The following SLC19A1 variants were observed in gnomAD, a reference collection of about 807,000 sequenced individuals.
The protein encoded by SLC19A1 is solute carrier family 19 member 1.
A neutral mutation model predicts 35.3 loss-of-function variants in SLC19A1; 37 were observed. The ratio of observed to expected loss-of-function variants is 1.05; its 90% CI spans 0.81 to 1.38. The LOEUF is 1.38. Ranked by LOEUF, SLC19A1 falls within the 40% of genes most tolerant of loss-of-function variation. The pLI, the probability that SLC19A1 is intolerant of heterozygous loss-of-function variation, is 0.00. For missense variants in SLC19A1, 831 were observed against 826.9 expected (o/e 1.00, Z -0.06); for synonymous variants, 460 against 398.5 (o/e 1.15, Z -1.84).
intron 1 of SLC19A1, among the ~76,000 whole-genome samples, chr21:45,538,510 C>A (rs986389024): frequency 6.6e-6 from 1 of 152,164 alleles, no homozygotes; most frequent in Non-Finnish European, 1.5e-5. Flanking sequence ...TGCTGGAGGC[C>A]GGGGTCACAC....
chr21:45,532,296 G>A (rs1488456095), intron 2 of SLC19A1, 148 bp from the exon 3 acceptor site: 1 of 654,804 alleles, frequency 1.5e-6, no homozygotes, highest in East Asian at 2.7e-5. Context: ...CCTGTCCCAT[G>A]TCCCACTGCA....
chr21:45,558,976 T>C (rs1202161482), intron 1 of SLC19A1, among the ~76,000 whole-genome samples: 11 of 151,758 alleles, frequency 7.2e-5, no homozygotes, highest in Admixed American at 6.6e-4. Context: ...GCCCAGCTAA[T>C]TTTTGTATTT....
intron 4 of SLC19A1, among the ~76,000 whole-genome samples, chr21:45,529,555 A>C (rs1459064234): frequency 6.6e-6 from 1 of 151,720 alleles, no homozygotes; most frequent in Non-Finnish European, 1.5e-5. Flanking sequence ...GTGTGGTCTG[A>C]GTATGTGGTG....
At chr21:45,505,433 TA>T in intron 3 of SLC19A1, 1 of 1,528,246 alleles carries the variant, frequency 6.5e-7, no homozygotes, top group Non-Finnish European at 9.0e-7. Flanking sequence ...TCCTCAGGGG[TA>T]AGTGTCTGGG....
intron 1 of SLC19A1, among the ~76,000 whole-genome samples, chr21:45,541,320 G>C (rs1317279396): frequency 6.6e-6 from 1 of 152,284 alleles, no homozygotes; most frequent in Non-Finnish European, 1.5e-5. Flanking sequence ...GGACAGGGCA[G>C]GCAGGTGCAC....
chr21:45,532,287 C>G (rs1210456921), intron 2 of SLC19A1, 139 bp from the exon 3 acceptor site: 1 of 673,420 alleles, frequency 1.5e-6, no homozygotes, highest in African/African-American at 1.8e-5. Context: ...CAACACGCCC[C>G]TGTCCCATGT....
rs752555752 is a variant in SLC19A1 at position 45,540,842 on chromosome 21, C to T, written c.-50+1526G>A. ...TGTAACAGCCCCTGCAAATCCCCGG[C>T]CCCACTGTCCACAGTGACCAGCCCC... On this transcript the variant is annotated intron_variant, in intron 1 of 5. Transcript: ENST00000311124. The surrounding 1 kb of genome is among the most constrained non-coding windows in gnomAD (Gnocchi z 5.5). Among the ~76,000 whole-genome samples, 1 of 152,096 alleles carries T rather than the reference C, an allele frequency of 6.6e-6. No individual in the cohort carries two copies. The highest frequency in any genetic ancestry group is 2.4e-5 in the African/African-American group (1 of 41,418).
At position 45,513,903 on chromosome 21, in the gene SLC19A1, A is replaced by T. The variant is rs574407163; in HGVS notation, c.*1755T>A. The T allele has an allele frequency of 7.2e-5, 11 of 152,386 alleles. No individual in the cohort carries two copies. Among genetic ancestry groups the T allele is most frequent in the Admixed American group, 5.9e-4 (9 of 15,306 alleles). The allele number at this position is 152,386 out of a possible 1,614,324, so 9.4% of individuals were successfully genotyped here. On this transcript the variant is annotated 3_prime_UTR_variant, in exon 6 of 6. Coordinates refer to ENST00000311124, the MANE Select transcript of SLC19A1 (RefSeq NM_194255.4). ...GGCGTGCAGTTGTACACAGGTGTGCAGGAGCATCCATAGTGTGCACAGGTA... is the reference window on the plus strand; with the variant it reads ...GGCGTGCAGTTGTACACAGGTGTGCTGGAGCATCCATAGTGTGCACAGGTA...
At chr21:45,525,302 T>C (rs1219162101) in intron 5 of SLC19A1, among the ~76,000 whole-genome samples, 6 of 152,204 alleles carry the variant, frequency 3.9e-5, no homozygotes, top group Non-Finnish European at 7.4e-5. Flanking sequence ...TGATTCCAGC[T>C]CACTCGGAGA....
rs1214362976 is a variant in SLC19A1, at chr21:45,533,961, G to T, written c.190-1813C>A. On this transcript the variant is annotated intron_variant, in intron 2 of 5. Coordinates refer to ENST00000311124, the MANE Select transcript of SLC19A1 (RefSeq NM_194255.4). This position sits in a 1 kb window ranked among gnomAD's most constrained non-coding sequence, Gnocchi z 4.5. Reference sequence around the variant, plus strand: ...GGGGCTCAGGGGAAGGCTGCCCAGAGACCCCACCTCAGGGCACCCTGAGGT... The same window carrying T: ...GGGGCTCAGGGGAAGGCTGCCCAGATACCCCACCTCAGGGCACCCTGAGGT... Among the ~76,000 whole-genome samples the T allele has an allele frequency of 6.6e-6, 1 of 152,038 alleles. No homozygotes were observed. Among genetic ancestry groups the T allele is most frequent in the Non-Finnish European group, 1.5e-5 (1 of 67,972 alleles).
At position 45,531,945 on chromosome 21, in the gene SLC19A1, G is replaced by A. The variant is rs771826299; in HGVS notation, c.393C>T (p.Ala131=). The change falls in exon 3 of 6, where the codon GCC becomes GCT. Residue 131 remains alanine, a synonymous_variant. Transcript: ENST00000311124. ...LMELFYSVTM[A]ARIAYSSYIF... ...TGTAGGAGGAATAGGCGATGCGCGCGGCCATGGTGACGCTGTAGAAGAGCT... is the reference window on the plus strand; with the variant it reads ...TGTAGGAGGAATAGGCGATGCGCGCAGCCATGGTGACGCTGTAGAAGAGCT... 1.4e-5 allele frequency: 23 copies of A among 1,605,240 alleles called. 1 individual carries two copies. In the South Asian group the frequency reaches 2.2e-4, roughly 15 times the overall value.
chr21:45,551,043 C>T (rs368559139), intron 1 of SLC19A1, among the ~76,000 whole-genome samples: 4 of 151,496 alleles, frequency 2.6e-5, no homozygotes, highest in African/African-American at 9.7e-5. Context: ...AGTCCCTTTC[C>T]TGTTCTTCAC....
At chr21:45,507,997 G>GTGGA (rs1172396922), downstream of SLC19A1, among the ~76,000 whole-genome samples, 6 of 151,070 alleles carry the variant, frequency 4.0e-5, no homozygotes, top group Non-Finnish European at 8.8e-5. Context: ...CAATGGGGAG[G>GTGGA]TGGATGGATG....
At position 45,522,254 on chromosome 21, in the gene SLC19A1, T is replaced by C. The variant is rs2077459151; in HGVS notation, c.1293+3563A>G. ...ACCAGGGAAATGCAAATTAAAACAATATTATGCCCCAGGGAAATGCAAATT... is the reference window on the plus strand; with the variant it reads ...ACCAGGGAAATGCAAATTAAAACAACATTATGCCCCAGGGAAATGCAAATT... On this transcript the variant is annotated intron_variant, in intron 5 of 5. Transcript: ENST00000311124. Among the ~76,000 whole-genome samples the C allele has an allele frequency of 2.0e-5, 3 of 152,166 alleles. No homozygotes were observed. In the South Asian group the frequency reaches 6.2e-4, roughly 32 times the overall value.
At chr21:45,521,074 A>G (rs2077425715) in intron 5 of SLC19A1, among the ~76,000 whole-genome samples, 1 of 152,098 alleles carries the variant, frequency 6.6e-6, no homozygotes, top group South Asian at 2.1e-4. Flanking sequence ...ATACACAGAA[A>G]AAAAAGACCA....
chr21:45,514,891 C>T lies in SLC19A1; in HGVS notation c.*767G>A, dbSNP rs2146182520. ...CTGCCCAGCCCAGGCAAGCCTGGCACATACCAAGGCCAGCACGTCCGCGGT... is the reference window on the plus strand; with the variant it reads ...CTGCCCAGCCCAGGCAAGCCTGGCATATACCAAGGCCAGCACGTCCGCGGT... On this transcript the variant is annotated 3_prime_UTR_variant, in exon 6 of 6. Coordinates refer to ENST00000311124, the MANE Select transcript of SLC19A1 (RefSeq NM_194255.4). The T allele has an allele frequency of 2.7e-6, 3 of 1,101,512 alleles. No homozygotes were observed. Among genetic ancestry groups the T allele is most frequent in the African/African-American group, 1.6e-5 (1 of 61,002 alleles). The allele number at this position is 1,101,512 out of a possible 1,614,324, so 68.2% of individuals were successfully genotyped here. A position where few individuals can be genotyped will look rare whatever the true frequency, so the allele number is the denominator to read the frequency against.
intron 5 of SLC19A1, among the ~76,000 whole-genome samples, chr21:45,516,828 G>A (rs1488502738): frequency 6.6e-6 from 1 of 152,144 alleles, no homozygotes; most frequent in African/African-American, 2.4e-5. Context: ...AGTGAGTCCC[G>A]CCCAAGACCC....
At chr21:45,535,169 C>T (rs1457947134) in intron 2 of SLC19A1, among the ~76,000 whole-genome samples, 3 of 152,050 alleles carry the variant, frequency 2.0e-5, no homozygotes, top group South Asian at 2.1e-4. Flanking sequence ...GGTCCTGGGC[C>T]GGGGGGTCTC....
chr21:45,518,273 A>G (rs902430975), intron 5 of SLC19A1, among the ~76,000 whole-genome samples: 2 of 152,234 alleles, frequency 1.3e-5, no homozygotes, highest in South Asian at 4.1e-4. Flanking sequence ...AGAAATGATC[A>G]ATGAACTGGA....
Sources: allele counts gnomAD v4.1 joint callset (sites outside exome capture counted in the v4.1 genomes callset), GRCh38; gene constraint gnomAD v4.1.1; non-coding constraint Gnocchi (gnomAD v3.1); transcripts MANE v1.5; gene names NCBI Gene and HGNC (gene_info 2026-07-23, HGNC 2026-07-21).